Variants in AUTS2 observed in about 807,000 individuals in gnomAD.
AUTS2 encodes autism susceptibility gene 2 protein.
A neutral mutation model predicts 112.4 loss-of-function variants in AUTS2; 17 were observed. That is an observed-to-expected ratio of 0.15 (90% CI 0.10 to 0.23). The LOEUF is 0.23. Ranked by LOEUF, AUTS2 falls within the 10% of genes least tolerant of loss-of-function variation. The probability of loss-of-function intolerance (pLI) is 1.00; values close to 1 mark genes in which losing one functional copy is unlikely to be tolerated. For missense variants in AUTS2, 1,510 were observed against 1,701.6 expected (o/e 0.89, Z 1.98); for synonymous variants, 751 against 702.7 (o/e 1.07, Z -1.09).
intron 5 of AUTS2, among the ~76,000 whole-genome samples, chr7:70,653,006 G>C (rs1806587604): frequency 6.6e-6 from 1 of 152,012 alleles, no homozygotes; most frequent in Non-Finnish European, 1.5e-5. Context: ...TATAATCCCA[G>C]CACTTTGGGA....
At chr7:70,131,966 T>C (rs947249516) in intron 3 of AUTS2, among the ~76,000 whole-genome samples, 6 of 151,800 alleles carry the variant, frequency 4.0e-5, no homozygotes, top group Admixed American at 6.6e-5. Context: ...TTAATAGATG[T>C]CACTCCTGTT....
At chr7:70,374,505 C>T (rs919684271) in intron 4 of AUTS2, among the ~76,000 whole-genome samples, 1 of 152,158 alleles carries the variant, frequency 6.6e-6, no homozygotes, top group African/African-American at 2.4e-5. Flanking sequence ...TGCTGTTAAA[C>T]AAACTTGCAG....
intron 5 of AUTS2, among the ~76,000 whole-genome samples, chr7:70,494,527 T>C (rs1798371811): frequency 6.6e-6 from 1 of 152,112 alleles, no homozygotes; most frequent in Non-Finnish European, 1.5e-5. Context: ...CTGACTGCCC[T>C]GCTTCCCACA....
At chr7:70,495,252 A>T (rs1798407497) in intron 5 of AUTS2, among the ~76,000 whole-genome samples, 1 of 151,492 alleles carries the variant, frequency 6.6e-6, no homozygotes, top group African/African-American at 2.4e-5. Context: ...AAAAAAAAAA[A>T]AAAAAAAGCT....
chr7:70,171,904 TTG>T (rs1491406751), intron 4 of AUTS2, among the ~76,000 whole-genome samples: 2 of 138,134 alleles, frequency 1.4e-5, no homozygotes, highest in African/African-American at 2.9e-5. Context: ...GTTTTTTTTT[TTG>T]GGGGGGGGTA....
At chr7:69,650,145 A>C (rs1795227834) in intron 1 of AUTS2, among the ~76,000 whole-genome samples, 1 of 152,150 alleles carries the variant, frequency 6.6e-6, no homozygotes, top group Non-Finnish European at 1.5e-5. Context: ...TAACTTATTA[A>C]ATTGGGCTAT....
intron 1 of AUTS2, among the ~76,000 whole-genome samples, chr7:69,774,757 C>T (rs763841137): frequency 6.6e-6 from 1 of 152,128 alleles, no homozygotes; most frequent in African/African-American, 2.4e-5. Flanking sequence ...GTAAAGTATA[C>T]TTCAGTAAAG....
intron 2 of AUTS2, among the ~76,000 whole-genome samples, chr7:69,969,481 T>C (rs1338471429): frequency 6.6e-6 from 1 of 152,186 alleles, no homozygotes; most frequent in East Asian, 1.9e-4. Flanking sequence ...GTTCTTGGCA[T>C]GGTTATGGTG....
intron 2 of AUTS2, among the ~76,000 whole-genome samples, chr7:70,057,095 C>T (rs1167094955): frequency 1.3e-5 from 2 of 152,166 alleles, no homozygotes; most frequent in African/African-American, 2.4e-5. Context: ...TTAAAGTCTG[C>T]TGCTCTTTGG....
At chr7:69,794,297 C>A (rs1789744046) in intron 1 of AUTS2, among the ~76,000 whole-genome samples, 1 of 152,112 alleles carries the variant, frequency 6.6e-6, no homozygotes. Flanking sequence ...TTCATCAGAG[C>A]ACCCTAAAGG....
At chr7:70,639,624 A>AAAAT in intron 5 of AUTS2, among the ~76,000 whole-genome samples, 1 of 148,894 alleles carries the variant, frequency 6.7e-6, no homozygotes, top group Admixed American at 6.8e-5. Flanking sequence ...CTCAAAAAAA[A>AAAAT]AAAAAAAAAA....
intron 2 of AUTS2, among the ~76,000 whole-genome samples, chr7:70,066,150 G>A (rs1365332082): frequency 6.6e-6 from 1 of 152,038 alleles, no homozygotes; most frequent in Non-Finnish European, 1.5e-5. Flanking sequence ...AAAAAATTTT[G>A]TAAAATAATT....
At chr7:70,432,609 GAATAGACCTC>G (rs1795720709) in intron 4 of AUTS2, among the ~76,000 whole-genome samples, 1 of 152,200 alleles carries the variant, frequency 6.6e-6, no homozygotes, top group Admixed American at 6.5e-5. Flanking sequence ...TTTATGAGTG[GAATAGACCTC>G]TTGTATGTGT....
chr7:70,686,834 C>T (rs963458930), intron 5 of AUTS2, among the ~76,000 whole-genome samples: 2 of 152,156 alleles, frequency 1.3e-5, no homozygotes, highest in African/African-American at 4.8e-5. Context: ...TGCGCCAGAC[C>T]CGAAAGCATC....
At chr7:70,522,053 A>G (rs1041450749) in intron 5 of AUTS2, among the ~76,000 whole-genome samples, 1 of 152,186 alleles carries the variant, frequency 6.6e-6, no homozygotes, top group African/African-American at 2.4e-5. Flanking sequence ...GATTATTAGC[A>G]TTATTATTGC....
chr7:69,849,947 G>A (rs1792384945), intron 1 of AUTS2, among the ~76,000 whole-genome samples: 1 of 152,016 alleles, frequency 6.6e-6, no homozygotes, highest in African/African-American at 2.4e-5. Flanking sequence ...CATTTCTGTG[G>A]GATAAACACT....
In AUTS2 at chr7:70,227,352, C is replaced by T. The variant is rs1348489510; in HGVS notation, c.660+92781C>T. ...ACAACCTTTTTAAAGGTTTTAAAAA[C>T]GTTTCTTAAAATGTAGTGTATTATA... is the stretch of plus-strand genomic sequence containing the variant. On this transcript the variant is annotated intron_variant, in intron 4 of 18. Coordinates refer to ENST00000342771, the MANE Select transcript of AUTS2 (RefSeq NM_015570.4). 3.4e-5 allele frequency among the ~76,000 whole-genome samples: 5 copies of T among 148,574 alleles called. No homozygotes were observed. In the South Asian group the frequency reaches 6.4e-4, roughly 19 times the overall value.
intron 2 of AUTS2, among the ~76,000 whole-genome samples, chr7:70,101,938 C>T (rs1231814386): frequency 6.6e-6 from 1 of 152,090 alleles, no homozygotes. Flanking sequence ...GGACAGATAT[C>T]ATAAGTAAAA....
intron 2 of AUTS2, among the ~76,000 whole-genome samples, chr7:69,979,216 G>A (rs959163643): frequency 7.9e-5 from 12 of 152,140 alleles, no homozygotes; most frequent in Admixed American, 4.6e-4. Flanking sequence ...ATGGCCCTAA[G>A]AATCCTTTTA....
Sources: allele counts gnomAD v4.1 joint callset (sites outside exome capture counted in the v4.1 genomes callset), GRCh38; gene constraint gnomAD v4.1.1; transcripts MANE v1.5; gene names NCBI Gene and HGNC (gene_info 2026-07-23, HGNC 2026-07-21).